Variants in SLC25A12 observed in about 807,000 individuals in gnomAD.
SLC25A12 encodes the protein electrogenic aspartate/glutamate antiporter SLC25A12, mitochondrial.
Under a neutral mutation model 83.3 loss-of-function variants are expected in SLC25A12, and 32 were observed. The ratio of observed to expected loss-of-function variants is 0.38; its 90% CI spans 0.29 to 0.52. The LOEUF (loss-of-function observed/expected upper bound fraction) is 0.52. Among genes scored for constraint, SLC25A12 ranks in the 20% least tolerant of loss-of-function variants. The pLI, the probability that SLC25A12 is intolerant of heterozygous loss-of-function variation, is 0.84. For synonymous variants in SLC25A12, 267 were observed against 291.1 expected (o/e 0.92, Z 0.84); for missense variants, 611 against 835.6 (o/e 0.73, Z 3.31).
At chr2:171,869,920 C>T (rs1685422443) in intron 2 of SLC25A12, among the ~76,000 whole-genome samples, 1 of 152,226 alleles carries the variant, frequency 6.6e-6, no homozygotes, top group African/African-American at 2.4e-5. Flanking sequence ...AACCAGGTCA[C>T]ATATAAAGAA....
chr2:171,792,709 G>C (rs925661406), intron 14 of SLC25A12, among the ~76,000 whole-genome samples: 1 of 151,988 alleles, frequency 6.6e-6, no homozygotes, highest in African/African-American at 2.4e-5. Context: ...CTCTCAAAGG[G>C]AATTCAAAAA....
chr2:171,850,617 G>A (rs997021184), intron 4 of SLC25A12, among the ~76,000 whole-genome samples: 1 of 151,646 alleles, frequency 6.6e-6, no homozygotes, highest in Non-Finnish European at 1.5e-5. Flanking sequence ...CACCCGCCTC[G>A]GCCTCCCAAA....
intron 10 of SLC25A12, 83 bp downstream of exon 10, chr2:171,815,038 G>T: frequency 9.0e-7 from 1 of 1,105,530 alleles, no homozygotes; most frequent in Non-Finnish European, 1.4e-6. Context: ...ACAATGAACT[G>T]CACCTTTGCT....
chr2:171,830,166 A>C (rs532013154), intron 8 of SLC25A12, among the ~76,000 whole-genome samples: 275 of 152,292 alleles, frequency 1.8e-3, no homozygotes, highest in African/African-American at 6.5e-3. Flanking sequence ...CTCTCTTGTT[A>C]GTTATTACTC....
intron 17 of SLC25A12, among the ~76,000 whole-genome samples, chr2:171,786,962 T>C (rs1049386003): frequency 6.6e-6 from 1 of 152,218 alleles, no homozygotes; most frequent in Non-Finnish European, 1.5e-5. Context: ...AAGGGCCATA[T>C]AATAAAATCC....
chr2:171,878,842 A>C lies in SLC25A12; in HGVS notation c.67-10019T>G, dbSNP rs74429499. On this transcript the variant is annotated intron_variant, in intron 2 of 17. Coordinates refer to ENST00000422440, the MANE Select transcript of SLC25A12 (RefSeq NM_003705.5). ...ACCAAGGCAAGTACTGAGTATATGA[A>C]GCTAGTTCTCTTACTGTCCTTCACT... 6.5e-3 allele frequency among the ~76,000 whole-genome samples: 988 copies of C among 152,354 alleles called. 12 individuals are homozygous for C. The highest frequency in any genetic ancestry group is 0.023 in the African/African-American group (939 of 41,580).
chr2:171,836,485 A>G (rs1684560178), intron 6 of SLC25A12, among the ~76,000 whole-genome samples: 1 of 152,212 alleles, frequency 6.6e-6, no homozygotes, highest in Non-Finnish European at 1.5e-5. Flanking sequence ...ACAGAACAAA[A>G]AACTATGTCT....
At chr2:171,791,200 C>T (rs1248779609) in intron 15 of SLC25A12, among the ~76,000 whole-genome samples, 1 of 152,088 alleles carries the variant, frequency 6.6e-6, no homozygotes, top group Non-Finnish European at 1.5e-5. Context: ...TGATGAAAGC[C>T]CAATTTAGAT....
intron 4 of SLC25A12, chr2:171,846,003 C>T: frequency 4.3e-6 from 1 of 234,582 alleles, no homozygotes; most frequent in Non-Finnish European, 8.7e-6. Flanking sequence ...ATCCTTAAAT[C>T]TATGTGAAAC....
intron 11 of SLC25A12, among the ~76,000 whole-genome samples, chr2:171,811,089 T>C (rs1461096447): frequency 6.6e-6 from 1 of 152,210 alleles, no homozygotes; most frequent in East Asian, 1.9e-4. Flanking sequence ...GTTAGCATAC[T>C]TTTTTGCATA....
chr2:171,850,835 C>T (rs1684913037), intron 4 of SLC25A12, among the ~76,000 whole-genome samples: 1 of 152,246 alleles, frequency 6.6e-6, no homozygotes, highest in African/African-American at 2.4e-5. Flanking sequence ...CATAACTACA[C>T]TTCCATCTCC....
chr2:171,889,113 T>C (rs1194905462), intron 2 of SLC25A12, among the ~76,000 whole-genome samples: 2 of 152,146 alleles, frequency 1.3e-5, no homozygotes, highest in African/African-American at 4.8e-5. Context: ...ATTGGAGATA[T>C]CACTTATAAA....
At chr2:171,826,992 A>G in intron 8 of SLC25A12, 110 bp from the exon 9 acceptor site, 1 of 710,630 alleles carries the variant, frequency 1.4e-6, no homozygotes, top group South Asian at 1.6e-5. Context: ...GTTTAAAATC[A>G]TTACTTCCCT....
intron 9 of SLC25A12, among the ~76,000 whole-genome samples, chr2:171,817,747 A>G (rs1212315626): frequency 1.3e-5 from 2 of 152,132 alleles, no homozygotes; most frequent in Non-Finnish European, 2.9e-5. Flanking sequence ...GAATATGTTG[A>G]ATTAAAACTC....
chr2:171,789,372 A>G (rs566440480), intron 15 of SLC25A12, among the ~76,000 whole-genome samples: 106 of 151,892 alleles, frequency 7.0e-4, no homozygotes, highest in African/African-American at 1.5e-3. Context: ...GGGACTACAG[A>G]AGCCCGCCAC....
At chr2:171,891,148 T>C (rs1685926187) in intron 2 of SLC25A12, among the ~76,000 whole-genome samples, 1 of 151,746 alleles carries the variant, frequency 6.6e-6, no homozygotes, top group Non-Finnish European at 1.5e-5. Flanking sequence ...CTACTAAAAA[T>C]ACAAAAAATT....
chr2:171,867,665 C>A (rs1448672881), intron 3 of SLC25A12, among the ~76,000 whole-genome samples: 1 of 152,006 alleles, frequency 6.6e-6, no homozygotes, highest in Non-Finnish European at 1.5e-5. Context: ...GGGAGAGCGC[C>A]TAATCTCTTT....
At chr2:171,891,467 C>T (rs1012229134) in intron 2 of SLC25A12, among the ~76,000 whole-genome samples, 2 of 152,108 alleles carry the variant, frequency 1.3e-5, no homozygotes, top group African/African-American at 4.8e-5. Flanking sequence ...ATTCCCATTC[C>T]TTTATGTCCC....
intron 11 of SLC25A12, among the ~76,000 whole-genome samples, chr2:171,812,619 C>CGG (rs3836023): frequency 4.0e-5 from 6 of 151,390 alleles, no homozygotes; most frequent in South Asian, 2.1e-4. Context: ...ACAAAGACAA[C>CGG]GGGGGGTGGG....
Sources: allele counts gnomAD v4.1 joint callset (sites outside exome capture counted in the v4.1 genomes callset), GRCh38; gene constraint gnomAD v4.1.1; transcripts MANE v1.5; gene names NCBI Gene and HGNC (gene_info 2026-07-23, HGNC 2026-07-21).